Variants in LAMA3 observed in about 807,000 individuals in gnomAD.
LAMA3 encodes the protein laminin subunit alpha-3.
LAMA3 carries 281 observed loss-of-function variants against 402.0 expected under a neutral mutation model. The ratio of observed to expected loss-of-function variants is 0.70; its 90% CI spans 0.63 to 0.77. The LOEUF (loss-of-function observed/expected upper bound fraction) is 0.77, where lower values mean the gene tolerates loss of function less well. LAMA3 is among the 30% of genes least tolerant of loss of function. The probability of loss-of-function intolerance (pLI) is 0.00; values close to 1 mark genes in which losing one functional copy is unlikely to be tolerated. For missense variants in LAMA3, 3,840 were observed against 4,215.5 expected (o/e 0.91, Z 2.47); for synonymous variants, 1,431 against 1,558.4 (o/e 0.92, Z 1.93).
rs141787404 is a variant in LAMA3 at position 23,834,119 on chromosome 18, T to A, written c.2984+131T>A. 5.1e-4 allele frequency: 529 copies of A among 1,029,428 alleles called. 2 individuals are homozygous for A. In the African/African-American group the frequency reaches 7.2e-3, roughly 14 times the overall value. The allele number at this position is 1,029,428 out of a possible 1,614,324, so 63.8% of individuals were successfully genotyped here. A position where few individuals can be genotyped will look rare whatever the true frequency, so the allele number is the denominator to read the frequency against. ...CAGCTCTTGAAAACAAGCAGGTGAC[T>A]AGTTGTGTGGCCCAACGTCATCACC... On this transcript the variant is annotated intron_variant, in intron 24 of 74. Transcript: ENST00000313654.
At chr18:23,853,284 T>C (rs530623613) in intron 32 of LAMA3, among the ~76,000 whole-genome samples, 205 of 152,340 alleles carry the variant, frequency 1.3e-3, no homozygotes, top group Non-Finnish European at 2.4e-3. Flanking sequence ...TATTAATTTA[T>C]TCATTTGAGA....
At chr18:23,716,735 C>A (rs752278440) in intron 2 of LAMA3, among the ~76,000 whole-genome samples, 2 of 152,204 alleles carry the variant, frequency 1.3e-5, no homozygotes, top group African/African-American at 2.4e-5. Flanking sequence ...TCCACCCACC[C>A]GCTCTGCTCT....
chr18:23,788,186 C>T lies in LAMA3; in HGVS notation c.1603+4029C>T, dbSNP rs555255589. ...TTGATCTCCTTTCTTCTATTATCTT[C>T]CTTAGAAAACATAGATTATATAAAT... On this transcript the variant is annotated intron_variant, in intron 12 of 74. Coordinates refer to ENST00000313654, the MANE Select transcript of LAMA3 (RefSeq NM_198129.4). Among the ~76,000 whole-genome samples, 4 of 151,700 alleles carry T rather than the reference C, an allele frequency of 2.6e-5. No individual in the cohort carries two copies. The East Asian group carries it at 7.7e-4, about 29-fold the overall frequency.
chr18:23,803,964 T>G (rs1335284390), intron 12 of LAMA3, among the ~76,000 whole-genome samples: 1 of 152,186 alleles, frequency 6.6e-6, no homozygotes, highest in Admixed American at 6.5e-5. Context: ...TCCAATCTTA[T>G]GTATACCACT....
chr18:23,900,106 C>G (rs912135517), intron 47 of LAMA3, among the ~76,000 whole-genome samples: 2 of 151,544 alleles, frequency 1.3e-5, no homozygotes, highest in Non-Finnish European at 2.9e-5. Context: ...AGTCTCACTC[C>G]ATTACTCAGG....
chr18:23,788,998 A>G (rs1010781104), intron 12 of LAMA3, among the ~76,000 whole-genome samples: 19 of 151,950 alleles, frequency 1.3e-4, no homozygotes, highest in Non-Finnish European at 8.8e-5. Context: ...AAAAATAATT[A>G]AAAAGGCAAC....
intron 67 of LAMA3, 24 bp downstream of exon 67, chr18:23,933,959 G>T (rs768777972): frequency 3.1e-6 from 5 of 1,612,560 alleles, no homozygotes; most frequent in South Asian, 1.1e-5. Context: ...CCTAACCCTG[G>T]GTTTCCCTCT....
At chr18:23,908,257 G>C (rs369166994) in intron 54 of LAMA3, among the ~76,000 whole-genome samples, 1 of 151,962 alleles carries the variant, frequency 6.6e-6, no homozygotes, top group African/African-American at 2.4e-5. Context: ...TTTTCTGTGC[G>C]CTGTGGCTCA....
At chr18:23,884,385 G>GT (rs369306998) in intron 40 of LAMA3, among the ~76,000 whole-genome samples, 122 of 151,130 alleles carry the variant, frequency 8.1e-4, no homozygotes, top group African/African-American at 2.6e-3. Context: ...CAAGGAGAAC[G>GT]TTTTTTTTTA....
chr18:23,894,910 G>A lies in LAMA3; in HGVS notation c.5465G>A (p.Cys1822Tyr). The part of the protein sequence containing the change: ...DSSPAEECDD[C>Y]DSCVMTLLND... ...CCTTTGATTGTGGCCCCTACAGATTGCGACAGCTGTGTGATGACCCTCCTG... is the reference window on the plus strand; with the variant it reads ...CCTTTGATTGTGGCCCCTACAGATTACGACAGCTGTGTGATGACCCTCCTG... Residue 1822 changes from cysteine (C) to tyrosine (Y), a missense_variant, in exon 44 of 75, where the codon TGC becomes TAC. By Grantham distance (194) the Cys-to-Tyr change is radical. This residue lies in a region of LAMA3 where 891 missense variants were observed against 857.5 expected (regional missense o/e 1.04). Transcript: ENST00000313654. 9.3e-6 allele frequency: 15 copies of A among 1,614,178 alleles called. No individual in the cohort carries two copies. Among genetic ancestry groups the A allele is most frequent in the Middle Eastern group, 3.3e-4 (2 of 6,062 alleles).
At chr18:23,880,653 C>T (rs183936694) in intron 39 of LAMA3, among the ~76,000 whole-genome samples, 73 of 152,226 alleles carry the variant, frequency 4.8e-4, no homozygotes, top group Admixed American at 1.2e-3. Context: ...CCGAGGCGGG[C>T]GAATCATGAA....
chr18:23,924,275 CTGAGTAGCTGGGAT>C (rs1274789642), intron 62 of LAMA3, among the ~76,000 whole-genome samples: 1 of 152,132 alleles, frequency 6.6e-6, no homozygotes, highest in African/African-American at 2.4e-5. Flanking sequence ...CCTTGGCCTC[CTGAGTAGCTGGGAT>C]TACAGGCATG....
intron 44 of LAMA3, among the ~76,000 whole-genome samples, chr18:23,896,141 G>A (rs1463541493): frequency 6.6e-6 from 1 of 152,096 alleles, no homozygotes; most frequent in Non-Finnish European, 1.5e-5. Flanking sequence ...TTGGAGACCA[G>A]CCTGGCCAAC....
intron 2 of LAMA3, among the ~76,000 whole-genome samples, chr18:23,718,521 C>T (rs1036850604): frequency 6.6e-6 from 1 of 152,088 alleles, no homozygotes; most frequent in Admixed American, 6.6e-5. Context: ...AAAGACAATC[C>T]CTCACCCCCA....
intron 12 of LAMA3, among the ~76,000 whole-genome samples, chr18:23,800,440 T>TGATATTGCCCCATATC (rs1410051888): frequency 6.6e-6 from 1 of 152,226 alleles, no homozygotes; most frequent in East Asian, 1.9e-4. Context: ...ATTTATGGGG[T>TGATATTGCCCCATATC]ACAGAGTGAT....
rs545929172 is a variant in LAMA3, at chr18:23,893,266, G to C, written c.5411-1032G>C. On this transcript the variant is annotated intron_variant, in intron 42 of 74. Coordinates refer to ENST00000313654, the MANE Select transcript of LAMA3 (RefSeq NM_198129.4). ...ATAGTTTGTTCAGGGGGAAGTGAGA[G>C]GACATGTCAATGTCAGAATGCATGG... Among the ~76,000 whole-genome samples the C allele has an allele frequency of 2.0e-5, 3 of 152,278 alleles. No homozygotes were observed. The South Asian group carries it at 6.2e-4, about 32-fold the overall frequency.
chr18:23,691,141 A>C (rs2060580780), intron 1 of LAMA3, among the ~76,000 whole-genome samples: 1 of 152,058 alleles, frequency 6.6e-6, no homozygotes, highest in Non-Finnish European at 1.5e-5. Context: ...TTGGGTTCTA[A>C]AAGAGCAAGG....
At chr18:23,698,504 C>G (rs2060729017) in intron 1 of LAMA3, among the ~76,000 whole-genome samples, 1 of 152,198 alleles carries the variant, frequency 6.6e-6, no homozygotes, top group African/African-American at 2.4e-5. Flanking sequence ...CGCGCCCCAC[C>G]TCTCTTCTTT....
At chr18:23,796,692 C>T (rs1240667315) in intron 12 of LAMA3, among the ~76,000 whole-genome samples, 2 of 152,108 alleles carry the variant, frequency 1.3e-5, no homozygotes, top group Non-Finnish European at 2.9e-5. Flanking sequence ...TGTTTATCTT[C>T]CCATTGATTT....
Sources: gnomAD v4.1 joint callset for allele counts (sites outside exome capture counted in the v4.1 genomes callset) on GRCh38, gnomAD v4.1.1 for gene constraint, gnomAD v4.1.1 regional missense constraint, MANE v1.5 for transcripts, NCBI Gene and HGNC (gene_info 2026-07-23, HGNC 2026-07-21) for gene names.